Variants in NPHP1 observed in about 807,000 individuals in gnomAD.
The protein encoded by NPHP1 is nephrocystin 1.
Under a neutral mutation model 90.4 loss-of-function variants are expected in NPHP1, and 70 were observed. The observed-to-expected ratio is 0.77, with a 90% CI of 0.64 to 0.95. The LOEUF (loss-of-function observed/expected upper bound fraction) is 0.95, where lower values mean the gene tolerates loss of function less well. NPHP1 is among the 40% of genes least tolerant of loss of function. NPHP1 has a pLI of 0.00. For synonymous variants in NPHP1, 256 were observed against 271.7 expected, an observed-to-expected ratio of 0.94 and a Z score of 0.57; for missense variants, 764 against 795.9, an observed-to-expected ratio of 0.96 and a Z score of 0.48.
intron 9 of NPHP1, 108 bp from the exon 10 acceptor site, chr2:110,161,805 G>A (rs781351760): frequency 1.2e-5 from 9 of 735,618 alleles, no homozygotes; most frequent in Non-Finnish European, 1.6e-5. Flanking sequence ...AAAATGCCAC[G>A]CTGCTTACTA....
intron 16 of NPHP1, among the ~76,000 whole-genome samples, chr2:110,137,511 G>A (rs561682303): frequency 2.6e-4 from 39 of 152,128 alleles, no homozygotes; most frequent in African/African-American, 6.3e-4. Flanking sequence ...AAAAGTGGGC[G>A]AAGGATATGA....
intron 16 of NPHP1, among the ~76,000 whole-genome samples, chr2:110,135,386 A>G (rs1244478708): frequency 1.4e-5 from 2 of 146,566 alleles, no homozygotes; most frequent in African/African-American, 2.5e-5. Flanking sequence ...CTGAGGCAGG[A>G]GAATGGCGTG....
chr2:110,181,318 C>T (rs1683892057), intron 2 of NPHP1, among the ~76,000 whole-genome samples: 1 of 152,174 alleles, frequency 6.6e-6, no homozygotes, highest in Non-Finnish European at 1.5e-5. Context: ...GGTCTGTAAT[C>T]CCATTCCACC....
chr2:110,185,202 C>A, intron 2 of NPHP1: 2 of 535,616 alleles, frequency 3.7e-6, no homozygotes, highest in Admixed American at 4.0e-5. Flanking sequence ...TCATCTTCAC[C>A]TCTCTCTGAA....
rs926909297 is a variant in NPHP1 at position 110,168,349 on chromosome 2, C to G, written c.624+103G>C. On this transcript the variant is annotated intron_variant, in intron 6 of 19. Transcript: ENST00000445609. Reference sequence around the variant, plus strand: ...CAAAATTAAAGCAAATTCTATATCTCAAGTCATTCACTAGTCAACTGACAA... The same window carrying G: ...CAAAATTAAAGCAAATTCTATATCTGAAGTCATTCACTAGTCAACTGACAA... 43 of 774,806 alleles carry G rather than the reference C, an allele frequency of 5.5e-5. No homozygotes were observed. In the Admixed American group the frequency reaches 8.4e-4, roughly 15 times the overall value. The allele number at this position is 774,806 out of a possible 1,614,324, so 48.0% of individuals were successfully genotyped here.
chr2:110,163,908 G>A (rs1471982584), intron 8 of NPHP1: 1 of 154,176 alleles, frequency 6.5e-6, no homozygotes, highest in Non-Finnish European at 1.4e-5. Flanking sequence ...TGATCCACCC[G>A]CCTTGGCCTC....
At chr2:110,136,769 A>C (rs1297912889) in intron 16 of NPHP1, among the ~76,000 whole-genome samples, 1 of 152,196 alleles carries the variant, frequency 6.6e-6, no homozygotes, top group African/African-American at 2.4e-5. Flanking sequence ...TATAGATTCA[A>C]TGCCATCCCC....
At chr2:110,145,565 C>T (rs546483284) in intron 14 of NPHP1, among the ~76,000 whole-genome samples, 1 of 152,226 alleles carries the variant, frequency 6.6e-6, no homozygotes, top group East Asian at 1.9e-4. Flanking sequence ...GCTGAGATTA[C>T]AGGCATTGTG....
intron 2 of NPHP1, among the ~76,000 whole-genome samples, chr2:110,186,363 T>C (rs556822004): frequency 6.6e-6 from 1 of 152,328 alleles, no homozygotes; most frequent in South Asian, 2.1e-4. Flanking sequence ...TTTGCCACTA[T>C]AGCTGACCAG....
rs766524637 is a variant in NPHP1 at position 110,168,520 on chromosome 2, GT to G, written c.555del (p.Lys185AsnfsTer7). 1.2e-5 allele frequency: 20 copies of G among 1,611,110 alleles called. No homozygotes were observed. The highest frequency in any genetic ancestry group is 6.7e-5 in the Admixed American group (4 of 59,904). On this transcript the variant is annotated frameshift_variant, in exon 6 of 20. Coordinates refer to ENST00000445609, the MANE Select transcript of NPHP1 (RefSeq NM_001128178.3). LOFTEE classifies it high-confidence loss of function. ...KGEILLVIEK[K>X]PDGWWIAKDA... ...TCCTTAGCTATCCACCAACCATCAG[GT>G]TTTTTTTCAATTACAAGGAGAATTT... is the stretch of plus-strand genomic sequence containing the variant.
chr2:110,163,795 G>A (rs900466636), intron 8 of NPHP1: 4 of 154,976 alleles, frequency 2.6e-5, no homozygotes, highest in African/African-American at 7.2e-5. Flanking sequence ...CCAGGAGCTG[G>A]GACTACAGAC....
intron 5 of NPHP1, 95 bp downstream of exon 5, chr2:110,169,711 A>T: frequency 1.2e-6 from 1 of 822,610 alleles, no homozygotes; most frequent in Non-Finnish European, 2.1e-6. Context: ...ACTGCATTTT[A>T]AGAATCTGTA....
intron 16 of NPHP1, 100 bp downstream of exon 16, chr2:110,143,442 A>G (rs1680792787): frequency 2.0e-5 from 17 of 837,176 alleles, no homozygotes; most frequent in Non-Finnish European, 3.3e-5. Context: ...AAAATATTAT[A>G]ACAAAAGATG....
intron 4 of NPHP1, 102 bp downstream of exon 4, chr2:110,178,321 A>G (rs1683647478): frequency 8.8e-7 from 1 of 1,131,664 alleles, no homozygotes; most frequent in African/African-American, 1.5e-5. Flanking sequence ...TGTTAGTGTC[A>G]TTTGTTTATA....
chr2:110,204,344 T>C (rs1685775320), intron 1 of NPHP1, among the ~76,000 whole-genome samples: 1 of 152,208 alleles, frequency 6.6e-6, no homozygotes, highest in Admixed American at 6.5e-5. Context: ...ATTCCTCGTA[T>C]GTTTATGAGT....
intron 2 of NPHP1, among the ~76,000 whole-genome samples, chr2:110,186,885 A>C (rs947530961): frequency 6.6e-6 from 1 of 152,146 alleles, no homozygotes; most frequent in Non-Finnish European, 1.5e-5. Context: ...TCAAAATCAC[A>C]CAACTACAAG....
At chr2:110,131,184 TA>T (rs1679748900) in intron 17 of NPHP1, among the ~76,000 whole-genome samples, 1 of 152,180 alleles carries the variant, frequency 6.6e-6, no homozygotes, top group Non-Finnish European at 1.5e-5. Context: ...TTTTACTTGG[TA>T]AAAATTTCAA....
chr2:110,161,492 C>T (rs1682328816), intron 10 of NPHP1, 111 bp downstream of exon 10: 2 of 714,782 alleles, frequency 2.8e-6, no homozygotes, highest in African/African-American at 3.6e-5. Context: ...TTATCATAAA[C>T]AATTTTTTTG....
In NPHP1 at chr2:110,174,153, G is replaced by A. The variant is rs554546377; in HGVS notation, c.330-4155C>T. On this transcript the variant is annotated intron_variant, in intron 4 of 19. Transcript: ENST00000445609. ...TACTAAAGTCTATCTCTTCTAAATAGTATATATTTGGGTTAAAAAAATTCA... is the reference window on the plus strand; with the variant it reads ...TACTAAAGTCTATCTCTTCTAAATAATATATATTTGGGTTAAAAAAATTCA... Among the ~76,000 whole-genome samples, 4 of 151,934 alleles carry A rather than the reference G, an allele frequency of 2.6e-5. No homozygotes were observed. The South Asian group carries it at 8.3e-4, about 32-fold the overall frequency.
Sources: allele counts gnomAD v4.1 joint callset (sites outside exome capture counted in the v4.1 genomes callset), GRCh38; gene constraint gnomAD v4.1.1; transcripts MANE v1.5; gene names NCBI Gene and HGNC (gene_info 2026-07-23, HGNC 2026-07-21).